Variants in ARID4A observed in about 807,000 individuals in gnomAD.
The protein encoded by ARID4A is AT-rich interaction domain 4A.
Under a neutral mutation model 148.6 loss-of-function variants are expected in ARID4A, and 39 were observed. The ratio of observed to expected loss-of-function variants is 0.26; its 90% CI spans 0.20 to 0.34. The LOEUF (loss-of-function observed/expected upper bound fraction) is 0.34. Among genes scored for constraint, ARID4A ranks in the 10% least tolerant of loss-of-function variants. The pLI is 1.00. For missense variants in ARID4A, 1,265 were observed against 1,449.1 expected, an observed-to-expected ratio of 0.87 and a Z score of 2.06; for synonymous variants, 475 against 481.2, an observed-to-expected ratio of 0.99 and a Z score of 0.17.
chr14:58,323,783 T>C (rs2033051395), intron 8 of ARID4A, among the ~76,000 whole-genome samples, 166 bp downstream of exon 8: 1 of 152,128 alleles, frequency 6.6e-6, no homozygotes, highest in Non-Finnish European at 1.5e-5. Context: ...TTCACTGTCT[T>C]CTTTGGTTAT....
chr14:58,371,760 C>A, intron 23 of ARID4A, 126 bp from the exon 24 acceptor site: 1 of 756,186 alleles, frequency 1.3e-6, no homozygotes, highest in Non-Finnish European at 2.2e-6. Context: ...GTTACTCCTT[C>A]ATGTGACATA....
chr14:58,301,788 G>A, intron 3 of ARID4A, 98 bp downstream of exon 3: 1 of 779,020 alleles, frequency 1.3e-6, no homozygotes. Context: ...GTCATTATAT[G>A]AAAACCCTTT....
chr14:58,303,355 A>G (rs982719852), intron 3 of ARID4A, among the ~76,000 whole-genome samples: 1 of 152,182 alleles, frequency 6.6e-6, no homozygotes, highest in Non-Finnish European at 1.5e-5. Context: ...ATTGTTAACT[A>G]CAGTCATCCT....
chr14:58,319,504 A>G (rs1488047057), intron 7 of ARID4A, among the ~76,000 whole-genome samples: 2 of 133,184 alleles, frequency 1.5e-5, no homozygotes, highest in Non-Finnish European at 3.1e-5. Context: ...ATATCTGTGT[A>G]TGAATGTCTA....
Position 58,351,213 on chromosome 14 carries a change from T to G in ARID4A, c.1545T>G (p.Asn515Lys). The change falls in exon 16 of 24, where the codon AAT (asparagine) becomes AAG (lysine). Residue 515 changes from asparagine (N) to lysine (K), a missense_variant. Coordinates refer to ENST00000355431, the MANE Select transcript of ARID4A (RefSeq NM_002892.4). The stretch of plus-strand genomic sequence containing the variant: ...ATGAAACTGCAGAGAAAAAAGAAAA[T>G]GAGCTACTACTGGGGAGAAAAAATA... ...DDYETAEKKENELLLGRKNTP... is the reference protein window; with the variant it reads ...DDYETAEKKEKELLLGRKNTP... The G allele has an allele frequency of 1.2e-6, 2 of 1,611,518 alleles. No homozygotes were observed. The highest frequency in any genetic ancestry group is 1.1e-5 in the South Asian group (1 of 90,540).
intron 16 of ARID4A, among the ~76,000 whole-genome samples, chr14:58,351,942 G>C (rs1402625495): frequency 6.6e-6 from 1 of 152,056 alleles, no homozygotes; most frequent in Non-Finnish European, 1.5e-5. Flanking sequence ...CTTAAAAATA[G>C]TCAAATATTA....
At chr14:58,349,584 C>A (rs2034539800) in intron 15 of ARID4A, among the ~76,000 whole-genome samples, 1 of 152,108 alleles carries the variant, frequency 6.6e-6, no homozygotes, top group East Asian at 1.9e-4. Flanking sequence ...AATGGCATTT[C>A]TCACCTGTAG....
At position 58,332,000 on chromosome 14, in the gene ARID4A, C is replaced by CA. The variant is rs888152360; in HGVS notation, c.906+1831_906+1832insA. On this transcript the variant is annotated intron_variant, in intron 11 of 23. Coordinates refer to ENST00000355431, the MANE Select transcript of ARID4A (RefSeq NM_002892.4). Reference sequence around the variant, plus strand: ...TTCCAGAATGCATTTTCCCTACCCCCCCCCCCCCAAAAAACCCTGAAATTT... The same window carrying CA: ...TTCCAGAATGCATTTTCCCTACCCCCACCCCCCCCAAAAAACCCTGAAATTT... 2.1e-5 allele frequency among the ~76,000 whole-genome samples: 3 copies of CA among 144,974 alleles called. No individual in the cohort carries two copies. The Admixed American group carries it at 2.1e-4, about 10-fold the overall frequency.
Position 58,298,561 on chromosome 14 carries a change from G to A in ARID4A, c.-197G>A, listed in dbSNP as rs527815010. 3.6e-4 allele frequency: 55 copies of A among 153,030 alleles called. No homozygotes were observed. Among genetic ancestry groups the A allele is most frequent in the Non-Finnish European group, 2.1e-4 (14 of 68,276 alleles). The allele number at this position is 153,030 out of a possible 1,614,324, so 9.5% of individuals were successfully genotyped here. On this transcript the variant is annotated 5_prime_UTR_variant, in exon 1 of 24. Transcript: ENST00000355431. The stretch of plus-strand genomic sequence containing the variant: ...AACAGCTTGTTATTTGGTGGATTGT[G>A]GCAGTAAATCGGGGCGAGTGGGGAA...
At chr14:58,313,741 T>TCC (rs2032213832) in intron 5 of ARID4A, among the ~76,000 whole-genome samples, 1 of 152,170 alleles carries the variant, frequency 6.6e-6, no homozygotes, top group African/African-American at 2.4e-5. Context: ...CTTGAGAAGA[T>TCC]CTGAGGGACT....
chr14:58,330,571 C>T (rs2033467647), intron 11 of ARID4A, among the ~76,000 whole-genome samples: 1 of 152,114 alleles, frequency 6.6e-6, no homozygotes, highest in African/African-American at 2.4e-5. Context: ...AGTTAAGTAA[C>T]TTTCCCAAGC....
In ARID4A at chr14:58,369,661, A is replaced by T. The variant is rs541764234; in HGVS notation, c.3671-2225A>T. Among the ~76,000 whole-genome samples, 33 of 151,712 alleles carry T rather than the reference A, an allele frequency of 2.2e-4. No individual in the cohort carries two copies. The South Asian group carries it at 5.0e-3, about 23-fold the overall frequency. ...GATTCTAAAAATTTACCATATAAAG[A>T]TACATATATAAAAAGAAATGGATCT... On this transcript the variant is annotated intron_variant, in intron 23 of 23. Transcript: ENST00000355431.
chr14:58,321,398 A>G (rs1594892805), intron 7 of ARID4A, among the ~76,000 whole-genome samples: 1 of 152,176 alleles, frequency 6.6e-6, no homozygotes, highest in Non-Finnish European at 1.5e-5. Context: ...GTTACAATTC[A>G]GGTTGTTCCA....
intron 14 of ARID4A, 141 bp downstream of exon 14, chr14:58,347,258 T>C: frequency 2.1e-6 from 1 of 485,924 alleles, no homozygotes; most frequent in Non-Finnish European, 3.5e-6. Context: ...CAGATACTTG[T>C]GATTGAAAGT....
At chr14:58,363,484 G>T (rs1217792846) in intron 19 of ARID4A, among the ~76,000 whole-genome samples, 1 of 152,126 alleles carries the variant, frequency 6.6e-6, no homozygotes, top group Non-Finnish European at 1.5e-5. Flanking sequence ...CGGATCACTT[G>T]AGGTCAGGAG....
At chr14:58,316,653 T>C (rs1285827592) in intron 5 of ARID4A, among the ~76,000 whole-genome samples, 1 of 152,126 alleles carries the variant, frequency 6.6e-6, no homozygotes, top group East Asian at 2.0e-4. Context: ...CAATCTCTGC[T>C]CACTGCAACC....
intron 18 of ARID4A, 31 bp from the exon 19 acceptor site, chr14:58,360,870 C>A: frequency 6.2e-7 from 1 of 1,604,606 alleles, no homozygotes; most frequent in Non-Finnish European, 8.5e-7. Context: ...AAGCATTGGC[C>A]CTTCTCATAC....
chr14:58,326,052 T>C (rs756326769), intron 8 of ARID4A, among the ~76,000 whole-genome samples: 1 of 152,192 alleles, frequency 6.6e-6, no homozygotes, highest in Non-Finnish European at 1.5e-5. Context: ...AGATTACATT[T>C]ATTTGAGGAA....
At chr14:58,367,161 T>C (rs1170589179) in intron 23 of ARID4A, 132 bp downstream of exon 23, 3 of 719,518 alleles carry the variant, frequency 4.2e-6, no homozygotes, top group African/African-American at 1.9e-5. Context: ...TAGTGTTTTC[T>C]ATTGTTGAAA....
Sources: gnomAD v4.1 joint callset for allele counts (sites outside exome capture counted in the v4.1 genomes callset) on GRCh38, gnomAD v4.1.1 for gene constraint, MANE v1.5 for transcripts, NCBI Gene and HGNC (gene_info 2026-07-23, HGNC 2026-07-21) for gene names.